The following NSL1 variants were observed in gnomAD, a reference collection of about 807,000 sequenced individuals.
NSL1 encodes NSL1 component of MIS12 kinetochore complex.
In NSL1, 11 loss-of-function variants were observed where a neutral mutation model predicts 25.4. The observed-to-expected ratio is 0.43, with a 90% CI of 0.27 to 0.72. The LOEUF is 0.72. Among genes scored for constraint, NSL1 ranks in the 30% least tolerant of loss-of-function variants. The pLI, the probability that NSL1 is intolerant of heterozygous loss-of-function variation, is 0.19. For synonymous variants in NSL1, 118 were observed against 120.6 expected (o/e 0.98, Z 0.14); for missense variants, 330 against 342.7 (o/e 0.96, Z 0.29).
chr1:212,790,100 G>A (rs1158742142), intron 1 of NSL1, among the ~76,000 whole-genome samples: 5 of 151,832 alleles, frequency 3.3e-5, no homozygotes, highest in Non-Finnish European at 5.9e-5. Context: ...TGCAAGCTCC[G>A]CCTCCCGGGT....
At chr1:212,786,228 G>A (rs1237502223) in intron 2 of NSL1, among the ~76,000 whole-genome samples, 1 of 152,050 alleles carries the variant, frequency 6.6e-6, no homozygotes, top group Non-Finnish European at 1.5e-5. Context: ...TGAAGTCTGA[G>A]ATTTTAGTGC....
At chr1:212,791,141 C>A (rs1477523576) in intron 1 of NSL1, among the ~76,000 whole-genome samples, 2 of 151,890 alleles carry the variant, frequency 1.3e-5, no homozygotes, top group Admixed American at 6.6e-5. Flanking sequence ...ATGCAGCACA[C>A]CAGATTTGAA....
At chr1:212,779,328 A>G (rs1333405653) in intron 4 of NSL1, among the ~76,000 whole-genome samples, 1 of 105,514 alleles carries the variant, frequency 9.5e-6, no homozygotes, top group Non-Finnish European at 1.9e-5. Flanking sequence ...TCCGGGAGGG[A>G]GGTGGGGGGG....
At chr1:212,776,146 T>C (rs1660356501) in intron 4 of NSL1, among the ~76,000 whole-genome samples, 3 of 152,060 alleles carry the variant, frequency 2.0e-5, no homozygotes, top group African/African-American at 4.8e-5. Context: ...ATAAGGAAAA[T>C]TGAGGTCAGG....
chr1:212,787,685 C>T (rs779729039), intron 1 of NSL1, 48 bp from the exon 2 acceptor site: 1 of 1,339,580 alleles, frequency 7.5e-7, no homozygotes, highest in South Asian at 1.3e-5. Context: ...ATTTTAAATA[C>T]TAAATTCAAA....
At chr1:212,768,086 G>A (rs1352295178) in intron 4 of NSL1, among the ~76,000 whole-genome samples, 3 of 152,132 alleles carry the variant, frequency 2.0e-5, no homozygotes, top group Admixed American at 6.5e-5. Flanking sequence ...TTGGGAGTTC[G>A]AGGAGGGTAG....
At chr1:212,788,434 G>A (rs1042811334) in intron 1 of NSL1, among the ~76,000 whole-genome samples, 2 of 152,176 alleles carry the variant, frequency 1.3e-5, no homozygotes, top group Non-Finnish European at 2.9e-5. Flanking sequence ...CAACTGTTGA[G>A]TTTGGTGGTG....
intron 1 of NSL1, among the ~76,000 whole-genome samples, chr1:212,790,309 G>A (rs2102411303): frequency 1.3e-5 from 2 of 152,218 alleles, no homozygotes; most frequent in Admixed American, 1.3e-4. Flanking sequence ...TTACAGGCGT[G>A]AGCCACCGCG....
rs762491270 is a variant in NSL1 at position 212,791,754 on chromosome 1, A to T, written c.10T>A (p.Ser4Thr). 2 of 1,595,992 alleles carry T rather than the reference A, an allele frequency of 1.3e-6. No homozygotes were observed. The highest frequency in any genetic ancestry group is 1.4e-5 in the African/African-American group (1 of 74,062). Residue 4 changes from serine (S) to threonine (T), a missense_variant, in exon 1 of 6, where the codon TCT (serine) becomes ACT (threonine). Ser to Thr is a moderately conservative substitution (Grantham distance 58). Coordinates refer to ENST00000366977, the MANE Select transcript of NSL1 (RefSeq NM_015471.4). MAGSPELVVLDPPW... is the reference protein window; with the variant it reads MAGTPELVVLDPPW... ...GGGTCAAGGACCACCAACTCAGGAG[A>T]CCCCGCCATTTTTCGTCGGAACTGT...
chr1:212,782,470 T>G (rs762355656), intron 3 of NSL1, 44 bp from the exon 4 acceptor site: 13 of 1,299,852 alleles, frequency 1.0e-5, no homozygotes, highest in Non-Finnish European at 8.9e-6. Flanking sequence ...ACTTAATGCT[T>G]CATATAAACA....
At chr1:212,779,722 G>A (rs1261739840) in intron 4 of NSL1, among the ~76,000 whole-genome samples, 2 of 89,810 alleles carry the variant, frequency 2.2e-5, no homozygotes, top group African/African-American at 8.0e-5. Context: ...CGCCCCATCC[G>A]GGAGGGAGGT....
intron 4 of NSL1, chr1:212,766,246 GA>G: frequency 3.1e-6 from 2 of 648,148 alleles, no homozygotes; most frequent in South Asian, 1.7e-5. Context: ...GTTGAATGGG[GA>G]AAAGTTGAAA....
At chr1:212,771,592 A>C (rs1418918135) in intron 4 of NSL1, among the ~76,000 whole-genome samples, 9 of 149,820 alleles carry the variant, frequency 6.0e-5, no homozygotes, top group African/African-American at 2.2e-4. Flanking sequence ...TTACATAGAG[A>C]AAAACCTAAA....
At chr1:212,759,498 C>A (rs1272376427) in intron 4 of NSL1, among the ~76,000 whole-genome samples, 3 of 152,110 alleles carry the variant, frequency 2.0e-5, no homozygotes, top group African/African-American at 7.2e-5. Flanking sequence ...CACAGGAGAG[C>A]CCCTTGGCCC....
chr1:212,763,300 A>G (rs555342600), intron 4 of NSL1, among the ~76,000 whole-genome samples: 7 of 152,330 alleles, frequency 4.6e-5, no homozygotes, highest in African/African-American at 1.7e-4. Flanking sequence ...ATCTTGAAAC[A>G]AAAGCTCTGA....
chr1:212,775,922 G>C (rs1017046483), intron 4 of NSL1, among the ~76,000 whole-genome samples: 1 of 151,712 alleles, frequency 6.6e-6, no homozygotes, highest in Admixed American at 6.6e-5. Context: ...CCGCCTCCCA[G>C]GTTCACGCCA....
rs541343161 is a variant in NSL1 at position 212,781,667 on chromosome 1, G to A, written c.499+705C>T. Among the ~76,000 whole-genome samples, 4 of 152,202 alleles carry A rather than the reference G, an allele frequency of 2.6e-5. No individual in the cohort carries two copies. In the East Asian group the frequency reaches 7.7e-4, roughly 29 times the overall value. On this transcript the variant is annotated intron_variant, in intron 4 of 5. Transcript: ENST00000366977. The stretch of plus-strand genomic sequence containing the variant: ...ATAAATATCCCATATAAATAAATCC[G>A]GGATTTAACTGTTTTATCCTAACAG...
chr1:212,751,305 T>G (rs532130403), intron 4 of NSL1, among the ~76,000 whole-genome samples: 6 of 152,234 alleles, frequency 3.9e-5, no homozygotes, highest in Non-Finnish European at 8.8e-5. Context: ...ATCAATCTTA[T>G]GCAATTTTAG....
intron 1 of NSL1, among the ~76,000 whole-genome samples, chr1:212,790,039 A>G (rs927468071): frequency 2.0e-5 from 3 of 151,320 alleles, no homozygotes; most frequent in Non-Finnish European, 4.4e-5. Flanking sequence ...TTTGAGATGG[A>G]GTCTCGCTCT....
Sources: allele counts gnomAD v4.1 joint callset (sites outside exome capture counted in the v4.1 genomes callset), GRCh38; gene constraint gnomAD v4.1.1; transcripts MANE v1.5; gene names NCBI Gene and HGNC (gene_info 2026-07-23, HGNC 2026-07-21).